NUP160: variants seen among roughly 807,000 people sequenced by gnomAD.
NUP160 encodes the protein nucleoporin 160.
A neutral mutation model predicts 196.9 loss-of-function variants in NUP160; 94 were observed. That is an observed-to-expected ratio of 0.48 (90% CI 0.40 to 0.57). The LOEUF (loss-of-function observed/expected upper bound fraction) is 0.57. Ranked by LOEUF, NUP160 falls within the 20% of genes least tolerant of loss-of-function variation. The pLI, the probability that NUP160 is intolerant of heterozygous loss-of-function variation, is 0.00. For missense variants in NUP160, 1,638 were observed against 1,748.3 expected, an observed-to-expected ratio of 0.94 and a Z score of 1.13; for synonymous variants, 605 against 619.7, an observed-to-expected ratio of 0.98 and a Z score of 0.35.
intron 27 of NUP160, among the ~76,000 whole-genome samples, chr11:47,793,242 C>T (rs763166542): frequency 6.6e-6 from 1 of 152,158 alleles, no homozygotes. Context: ...ACCTCAGCCT[C>T]CCAAAGTGCT....
At chr11:47,838,016 G>A (rs925657441) in intron 4 of NUP160, among the ~76,000 whole-genome samples, 5 of 152,168 alleles carry the variant, frequency 3.3e-5, no homozygotes, top group Non-Finnish European at 5.9e-5. Flanking sequence ...TATTCCTTTG[G>A]GGGAAGGGGA....
intron 4 of NUP160, among the ~76,000 whole-genome samples, chr11:47,838,632 T>TG (rs11457395): frequency 0.2 from 29,482 of 150,820 alleles, 3,242 homozygotes; most frequent in East Asian, 0.3. Flanking sequence ...CACTTGAACC[T>TG]GGGGGGGGCG....
exon 4 of NUP160, chr11:47,839,989 T>C (rs760000023): frequency 1.4e-5 from 23 of 1,614,022 alleles, no homozygotes; most frequent in Non-Finnish European, 1.9e-5. Flanking sequence ...AATTAACTGA[T>C]AGTTGCAAGG....
intron 7 of NUP160, among the ~76,000 whole-genome samples, chr11:47,822,561 T>A (rs975302061): frequency 6.6e-6 from 1 of 151,574 alleles, no homozygotes; most frequent in Non-Finnish European, 1.5e-5. Context: ...CGGCCAAAAA[T>A]TTTTTTTCTT....
intron 7 of NUP160, among the ~76,000 whole-genome samples, chr11:47,830,996 T>C (rs889481957): frequency 2.6e-5 from 4 of 152,080 alleles, no homozygotes; most frequent in African/African-American, 9.7e-5. Flanking sequence ...AAACCCCGTC[T>C]CTACAAAAAC....
intron 34 of NUP160, 62 bp downstream of exon 34, chr11:47,783,011 T>C: frequency 1.4e-6 from 2 of 1,413,502 alleles, no homozygotes; most frequent in Non-Finnish European, 2.0e-6. Context: ...TTCAAACCAC[T>C]GTAAAGTTGA....
At chr11:47,805,615 T>G (rs1380400143) in intron 20 of NUP160, among the ~76,000 whole-genome samples, 1 of 151,522 alleles carries the variant, frequency 6.6e-6, no homozygotes, top group Non-Finnish European at 1.5e-5. Context: ...GGCTAATTTT[T>G]TTTTGTATTT....
At chr11:47,788,596 T>C in exon 30 of NUP160, 1 of 1,613,418 alleles carries the variant, frequency 6.2e-7, no homozygotes, top group South Asian at 1.1e-5. Context: ...TTCCAGGATT[T>C]CAATTTGTCG....
intron 13 of NUP160, among the ~76,000 whole-genome samples, chr11:47,814,832 A>C (rs1484232579): frequency 6.6e-6 from 1 of 152,228 alleles, no homozygotes; most frequent in Non-Finnish European, 1.5e-5. Context: ...AGAAAGAAGA[A>C]AAGCATATGG....
intron 4 of NUP160, among the ~76,000 whole-genome samples, chr11:47,838,295 T>C (rs1852219841): frequency 6.6e-6 from 1 of 152,162 alleles, no homozygotes; most frequent in African/African-American, 2.4e-5. Flanking sequence ...CAAGAAGGCA[T>C]GTGGCTGGTG....
intron 7 of NUP160, among the ~76,000 whole-genome samples, chr11:47,830,961 C>T (rs1050416410): frequency 1.3e-5 from 2 of 151,912 alleles, no homozygotes; most frequent in Non-Finnish European, 1.5e-5. Flanking sequence ...GTCAGGAGTT[C>T]GAGACCAGCC....
chr11:47,814,244 T>A (rs2097682945), intron 13 of NUP160, among the ~76,000 whole-genome samples: 1 of 152,024 alleles, frequency 6.6e-6, no homozygotes, highest in Non-Finnish European at 1.5e-5. Context: ...AGTTTGAGGT[T>A]AAGCTAAAGA....
At position 47,808,405 on chromosome 11, in the gene NUP160, A is replaced by G. The variant is rs968216908; in HGVS notation, c.2366T>C (p.Leu789Pro). The change falls in exon 18 of 36, where the codon CTT (leucine) becomes CCT (proline). Residue 789 changes from leucine (L) to proline (P), a missense_variant. Coordinates refer to ENST00000378460, the Ensembl canonical transcript of NUP160. ...GGATAATGAAACTCACAGTGTGTCA[A>G]GTGGAACATCAGTTGCCAAGCACTC... 1.9e-6 allele frequency: 3 copies of G among 1,612,562 alleles called. No homozygotes were observed. In the South Asian group the frequency reaches 3.3e-5, roughly 18 times the overall value.
intron 12 of NUP160, 135 bp from the exon 13 acceptor site, chr11:47,815,784 A>G (rs912408397): frequency 1.1e-6 from 1 of 899,674 alleles, no homozygotes; most frequent in Non-Finnish European, 1.7e-6. Context: ...AAGGCCATAG[A>G]CTATGCAAAT....
chr11:47,806,848 C>CATATATATAT (rs1382803113), intron 19 of NUP160, among the ~76,000 whole-genome samples: 5 of 115,248 alleles, frequency 4.3e-5, no homozygotes, highest in African/African-American at 1.7e-4. Flanking sequence ...CACACACACA[C>CATATATATAT]ACACATATAT....
At chr11:47,793,722 G>GTT (rs750497969) in intron 27 of NUP160, among the ~76,000 whole-genome samples, 23 of 87,646 alleles carry the variant, frequency 2.6e-4, no homozygotes, top group African/African-American at 6.8e-4. Context: ...TAAGATATCT[G>GTT]TTTTTTTTTT....
exon 13 of NUP160, chr11:47,815,629 C>T (rs757143652): frequency 6.3e-7 from 1 of 1,595,852 alleles, no homozygotes; most frequent in Admixed American, 1.8e-5. Context: ...AGAATTCATA[C>T]TCTGTTACAC....
At chr11:47,796,747 C>T (rs1344148224) in intron 27 of NUP160, among the ~76,000 whole-genome samples, 1 of 152,166 alleles carries the variant, frequency 6.6e-6, no homozygotes, top group Non-Finnish European at 1.5e-5. Flanking sequence ...GACAGGGTCT[C>T]GCTCTGTCAC....
intron 9 of NUP160, 77 bp from the exon 10 acceptor site, chr11:47,819,535 G>A: frequency 1.0e-6 from 1 of 959,122 alleles, no homozygotes; most frequent in Non-Finnish European, 1.7e-6. Context: ...CAGTATCTGG[G>A]CAGGGAGGAC....
Sources: allele counts gnomAD v4.1 joint callset (sites outside exome capture counted in the v4.1 genomes callset), GRCh38; gene constraint gnomAD v4.1.1; transcripts MANE v1.5; gene names NCBI Gene and HGNC (gene_info 2026-07-23, HGNC 2026-07-21).